Variants in ACSS3 observed in about 807,000 individuals in gnomAD.
The protein encoded by ACSS3 is acyl-CoA synthetase short chain family member 3, also known as acyl-CoA synthetase short-chain family member 3, mitochondrial.
ACSS3 carries 64 observed loss-of-function variants against 84.2 expected under a neutral mutation model. The observed-to-expected ratio is 0.76, with a 90% CI of 0.62 to 0.94. The LOEUF (loss-of-function observed/expected upper bound fraction) is 0.94. Among genes scored for constraint, ACSS3 ranks in the 40% least tolerant of loss-of-function variants. The pLI is 0.00. For missense variants in ACSS3, 815 were observed against 867.6 expected (o/e 0.94, Z 0.76); for synonymous variants, 317 against 310.1 (o/e 1.02, Z -0.23).
At chr12:81,190,278 T>A (rs1021880943) in intron 8 of ACSS3, among the ~76,000 whole-genome samples, 1 of 152,112 alleles carries the variant, frequency 6.6e-6, no homozygotes, top group Admixed American at 6.5e-5. Flanking sequence ...AACAAGTATA[T>A]CTCTTTGTTT....
At position 81,259,583 on chromosome 12, in the gene ACSS3, A is replaced by G. The variant is rs759257542; in HGVS notation, c.*4661A>G. 2.0e-6 allele frequency: 3 copies of G among 1,492,218 alleles called. No individual in the cohort carries two copies. Among genetic ancestry groups the G allele is most frequent in the Non-Finnish European group, 1.8e-6 (2 of 1,108,902 alleles). The allele number at this position is 1,492,218 out of a possible 1,614,324, so 92.4% of individuals were successfully genotyped here. A position where few individuals can be genotyped will look rare whatever the true frequency, so the allele number is the denominator to read the frequency against. On this transcript the variant is annotated 3_prime_UTR_variant, in exon 16 of 16. Transcript: ENST00000548058. Reference sequence around the variant, plus strand: ...TGACGTCATTATTTCCTTAGAATTCAGTTTTCACAAAGGTTTTCACTGCTC... The same window carrying G: ...TGACGTCATTATTTCCTTAGAATTCGGTTTTCACAAAGGTTTTCACTGCTC...
intron 13 of ACSS3, among the ~76,000 whole-genome samples, chr12:81,251,689 A>G (rs2034160235): frequency 1.3e-5 from 2 of 151,044 alleles, no homozygotes; most frequent in African/African-American, 2.4e-5. Flanking sequence ...AAAAAATACA[A>G]AAATTTAGCC....
At chr12:81,079,976 A>G (rs1052469116) in intron 1 of ACSS3, among the ~76,000 whole-genome samples, 4 of 152,210 alleles carry the variant, frequency 2.6e-5, no homozygotes, top group Admixed American at 6.5e-5. Flanking sequence ...AAACTCTCCT[A>G]GTATTCCTCA....
At chr12:81,195,826 G>T (rs774576780) in intron 8 of ACSS3, among the ~76,000 whole-genome samples, 3 of 151,918 alleles carry the variant, frequency 2.0e-5, no homozygotes, top group Non-Finnish European at 2.9e-5. Context: ...TCTATATCAG[G>T]ACACGCGAAT....
chr12:81,209,771 T>C (rs998844111), intron 9 of ACSS3, among the ~76,000 whole-genome samples: 1 of 152,182 alleles, frequency 6.6e-6, no homozygotes, highest in African/African-American at 2.4e-5. Context: ...GGTGGATGTT[T>C]TATGAGTTTT....
intron 2 of ACSS3, among the ~76,000 whole-genome samples, chr12:81,117,421 G>A (rs1457861143): frequency 5.9e-5 from 9 of 152,136 alleles, no homozygotes; most frequent in Admixed American, 5.9e-4. Flanking sequence ...GCTTGTCAGG[G>A]AAAGTACTTG....
intron 1 of ACSS3, among the ~76,000 whole-genome samples, chr12:81,090,583 A>G (rs1881607401): frequency 6.6e-6 from 1 of 152,010 alleles, no homozygotes; most frequent in African/African-American, 2.4e-5. Context: ...TACCTGAATC[A>G]TCTATCCAAT....
At chr12:81,098,167 TGTGTGTGTGTGTGA>T (rs778516055) in intron 1 of ACSS3, among the ~76,000 whole-genome samples, 7 of 149,974 alleles carry the variant, frequency 4.7e-5, no homozygotes, top group Admixed American at 6.6e-5. Context: ...TGTGTGTGTG[TGTGTGTGTGTGTGA>T]GACTGTGCCC....
intron 13 of ACSS3, among the ~76,000 whole-genome samples, chr12:81,251,604 G>A (rs1426747109): frequency 1.3e-5 from 2 of 148,474 alleles, no homozygotes; most frequent in Non-Finnish European, 3.0e-5. Context: ...GGCCGAAGCA[G>A]GTAGATTGCT....
At chr12:81,112,605 T>C in intron 2 of ACSS3, among the ~76,000 whole-genome samples, 1 of 152,194 alleles carries the variant, frequency 6.6e-6, no homozygotes, top group East Asian at 1.9e-4. Context: ...TTTTCTTCTC[T>C]AAAGTACTAA....
At chr12:81,197,564 T>A (rs1223844632) in intron 8 of ACSS3, among the ~76,000 whole-genome samples, 1 of 152,186 alleles carries the variant, frequency 6.6e-6, no homozygotes, top group African/African-American at 2.4e-5. Flanking sequence ...GCTATGATAC[T>A]TGAGTGATTT....
intron 7 of ACSS3, among the ~76,000 whole-genome samples, chr12:81,162,992 G>A (rs1475233272): frequency 2.0e-5 from 3 of 152,072 alleles, no homozygotes; most frequent in African/African-American, 7.2e-5. Flanking sequence ...GGCTTCCTGG[G>A]CCTCCGAGAA....
At chr12:81,099,927 C>T (rs1019891494) in intron 1 of ACSS3, among the ~76,000 whole-genome samples, 1 of 152,190 alleles carries the variant, frequency 6.6e-6, no homozygotes, top group East Asian at 1.9e-4. Flanking sequence ...GGCTCCCTAC[C>T]TCTTAAAAAC....
chr12:81,228,016 G>A (rs1380218660), intron 11 of ACSS3, among the ~76,000 whole-genome samples: 3 of 151,770 alleles, frequency 2.0e-5, no homozygotes, highest in Non-Finnish European at 4.4e-5. Context: ...TATAAGGGTG[G>A]CTTTAATTCC....
At position 81,199,934 on chromosome 12, in the gene ACSS3, C is replaced by T. The variant is rs569650122; in HGVS notation, c.1354+490C>T. ...TTCCTCTCATAGGACTCTCTGGCCA[C>T]CTTCTTGTGTTCTATAATATCTAAT... On this transcript the variant is annotated intron_variant, in intron 9 of 15. Coordinates refer to ENST00000548058, the MANE Select transcript of ACSS3 (RefSeq NM_024560.4). 4.6e-5 allele frequency: 12 copies of T among 259,208 alleles called. No homozygotes were observed. The Middle Eastern group carries it at 1.7e-3, about 38-fold the overall frequency. The allele number at this position is 259,208 out of a possible 1,614,324, so 16.1% of individuals were successfully genotyped here. A position where few individuals can be genotyped will look rare whatever the true frequency, so the allele number is the denominator to read the frequency against.
chr12:81,230,446 G>A (rs543898337), intron 11 of ACSS3, among the ~76,000 whole-genome samples: 4 of 151,778 alleles, frequency 2.6e-5, no homozygotes, highest in Non-Finnish European at 5.9e-5. Context: ...GAAAACAAAA[G>A]ATACATAGTT....
intron 7 of ACSS3, among the ~76,000 whole-genome samples, chr12:81,153,735 T>G (rs894926507): frequency 1.3e-5 from 2 of 152,196 alleles, no homozygotes; most frequent in African/African-American, 4.8e-5. Flanking sequence ...CAAGTTAATT[T>G]GCACTCTTAA....
intron 9 of ACSS3, among the ~76,000 whole-genome samples, chr12:81,206,724 T>C (rs2032366321): frequency 6.6e-6 from 1 of 152,138 alleles, no homozygotes; most frequent in African/African-American, 2.4e-5. Flanking sequence ...TTTTTACTGA[T>C]AATTTGAAAA....
chr12:81,139,638 T>A (rs11833008), intron 4 of ACSS3, among the ~76,000 whole-genome samples: 6,499 of 118,376 alleles, frequency 0.055, 420 homozygotes, highest in African/African-American at 0.17. Context: ...TAATAATAAT[T>A]ATTGTTATTT....
Sources: allele counts gnomAD v4.1 joint callset (sites outside exome capture counted in the v4.1 genomes callset), GRCh38; gene constraint gnomAD v4.1.1; transcripts MANE v1.5; gene names NCBI Gene and HGNC (gene_info 2026-07-23, HGNC 2026-07-21).